The following MAN2A1 variants were observed in gnomAD, a reference collection of about 807,000 sequenced individuals.
MAN2A1 encodes the protein alpha-mannosidase 2.
Under a neutral mutation model 142.6 loss-of-function variants are expected in MAN2A1, and 76 were observed. That is an observed-to-expected ratio of 0.53 (90% CI 0.44 to 0.65). MAN2A1 has a LOEUF of 0.65. MAN2A1 is among the 30% of genes least tolerant of loss of function. The pLI is 0.00. For synonymous variants in MAN2A1, 559 were observed against 473.2 expected (o/e 1.18, Z -2.35); for missense variants, 1,311 against 1,365.1 (o/e 0.96, Z 0.62).
intron 5 of MAN2A1, among the ~76,000 whole-genome samples, chr5:109,759,427 A>G (rs536229750): frequency 3.3e-5 from 5 of 152,294 alleles, no homozygotes; most frequent in African/African-American, 9.6e-5. Context: ...TGTCACCAGC[A>G]TGAAGTTTTT....
At chr5:109,730,449 T>C (rs1582832384) in intron 4 of MAN2A1, among the ~76,000 whole-genome samples, 1 of 152,168 alleles carries the variant, frequency 6.6e-6, no homozygotes, top group South Asian at 2.1e-4. Context: ...TCTTCAGATA[T>C]TGCTTTTGCT....
chr5:109,827,054 T>TC (rs1160531419), intron 16 of MAN2A1, among the ~76,000 whole-genome samples: 3 of 152,190 alleles, frequency 2.0e-5, no homozygotes, highest in Non-Finnish European at 4.4e-5. Context: ...GCTACTTTTG[T>TC]CCCCCTTAAA....
intron 4 of MAN2A1, among the ~76,000 whole-genome samples, chr5:109,732,794 T>A (rs1461757279): frequency 6.6e-6 from 1 of 152,024 alleles, no homozygotes; most frequent in Admixed American, 6.6e-5. Context: ...AGTCAGGTAG[T>A]GTGATGCCTC....
At chr5:109,706,760 A>G (rs1751144960) in intron 1 of MAN2A1, among the ~76,000 whole-genome samples, 1 of 152,162 alleles carries the variant, frequency 6.6e-6, no homozygotes, top group Non-Finnish European at 1.5e-5. Flanking sequence ...GGAAAAAAAA[A>G]ACATAAATGA....
chr5:109,851,462 C>T (rs755767523), intron 19 of MAN2A1, among the ~76,000 whole-genome samples: 6 of 152,170 alleles, frequency 3.9e-5, no homozygotes, highest in East Asian at 1.9e-4. Flanking sequence ...CCATTATCAT[C>T]GGAATGGGTT....
chr5:109,810,140 T>A (rs1425558228), intron 12 of MAN2A1, among the ~76,000 whole-genome samples: 1 of 152,082 alleles, frequency 6.6e-6, no homozygotes, highest in Non-Finnish European at 1.5e-5. Context: ...CTTGGCCATA[T>A]TAATTATAAT....
At chr5:109,770,318 T>C (rs750053114) in intron 6 of MAN2A1, 37 bp from the exon 7 acceptor site, 2 of 1,575,554 alleles carry the variant, frequency 1.3e-6, no homozygotes, top group East Asian at 4.5e-5. Flanking sequence ...AAACAGATTT[T>C]ATAAATGCAG....
chr5:109,749,652 A>C (rs186895223), intron 4 of MAN2A1, among the ~76,000 whole-genome samples: 93 of 152,206 alleles, frequency 6.1e-4, no homozygotes, highest in Non-Finnish European at 9.7e-4. Context: ...TGAAGTGTAC[A>C]TGTAAAATAG....
chr5:109,774,968 A>C lies in MAN2A1; in HGVS notation c.1374+3A>C. The C allele has an allele frequency of 6.4e-7, 1 of 1,574,204 alleles. No individual in the cohort carries two copies. Among genetic ancestry groups the C allele is most frequent in the Non-Finnish European group, 8.7e-7 (1 of 1,153,150 alleles). On this transcript the variant is annotated splice_donor_region_variant and intron_variant, in intron 8 of 21. Transcript: ENST00000261483. ...CTCAGTCCAAGTTTAAAGTTAAGGTAAGGAGAAAATATTTATGATTCCGTA... is the reference window on the plus strand; with the variant it reads ...CTCAGTCCAAGTTTAAAGTTAAGGTCAGGAGAAAATATTTATGATTCCGTA...
intron 1 of MAN2A1, among the ~76,000 whole-genome samples, chr5:109,710,672 T>C (rs73217335): frequency 0.15 from 23,117 of 151,962 alleles, 1,987 homozygotes; most frequent in African/African-American, 0.25. Context: ...ACCCAGCTAA[T>C]TTTTATTTTT....
At chr5:109,811,782 A>T (rs1031708737) in intron 12 of MAN2A1, among the ~76,000 whole-genome samples, 3 of 152,062 alleles carry the variant, frequency 2.0e-5, no homozygotes, top group Non-Finnish European at 4.4e-5. Context: ...TAAGTTTATA[A>T]CTACACATAC....
chr5:109,778,059 G>A (rs1392402799), intron 8 of MAN2A1, among the ~76,000 whole-genome samples: 1 of 149,912 alleles, frequency 6.7e-6, no homozygotes, highest in African/African-American at 2.5e-5. Context: ...CTACATAGGT[G>A]TAGGTCATCT....
intron 20 of MAN2A1, among the ~76,000 whole-genome samples, chr5:109,858,490 A>T (rs551954893): frequency 6.6e-6 from 1 of 152,328 alleles, no homozygotes; most frequent in East Asian, 1.9e-4. Flanking sequence ...GCCAGACCTA[A>T]GCATTTTGGT....
chr5:109,705,750 A>G (rs1167996744), intron 1 of MAN2A1, among the ~76,000 whole-genome samples: 5 of 152,194 alleles, frequency 3.3e-5, no homozygotes, highest in Non-Finnish European at 7.3e-5. Flanking sequence ...GCAGAGCTGC[A>G]TTCCTTCTGG....
intron 12 of MAN2A1, among the ~76,000 whole-genome samples, chr5:109,816,066 C>G (rs1293491201): frequency 6.6e-6 from 1 of 152,154 alleles, no homozygotes; most frequent in East Asian, 1.9e-4. Context: ...ATGTGATGGT[C>G]TAGAACGTCT....
intron 5 of MAN2A1, among the ~76,000 whole-genome samples, chr5:109,760,491 A>G (rs1172664606): frequency 1.3e-5 from 2 of 152,310 alleles, no homozygotes; most frequent in East Asian, 3.9e-4. Context: ...TCCTTTGGGT[A>G]TATACCCAGT....
intron 12 of MAN2A1, among the ~76,000 whole-genome samples, chr5:109,799,768 A>AT (rs1753965947): frequency 6.6e-6 from 1 of 150,668 alleles, no homozygotes; most frequent in African/African-American, 2.4e-5. Context: ...AAAAAAAAAA[A>AT]GCGAAAGAAC....
chr5:109,800,344 C>T (rs1753987158), intron 12 of MAN2A1, among the ~76,000 whole-genome samples: 1 of 152,136 alleles, frequency 6.6e-6, no homozygotes, highest in African/African-American at 2.4e-5. Context: ...TCTGAAGAGA[C>T]TTGCTATAAA....
At chr5:109,709,172 CAG>C (rs1491146371) in intron 1 of MAN2A1, among the ~76,000 whole-genome samples, 1 of 65,824 alleles carries the variant, frequency 1.5e-5, no homozygotes. Context: ...GGTGGAAGCA[CAG>C]AGTTTGACTT....
Sources: gnomAD v4.1 joint callset for allele counts (sites outside exome capture counted in the v4.1 genomes callset) on GRCh38, gnomAD v4.1.1 for gene constraint, MANE v1.5 for transcripts, NCBI Gene and HGNC (gene_info 2026-07-23, HGNC 2026-07-21) for gene names.